Variants in APOBEC1 observed in about 807,000 individuals in gnomAD.
The protein encoded by APOBEC1 is apolipoprotein B mRNA editing enzyme catalytic subunit 1.
In APOBEC1, 22 loss-of-function variants were observed where a neutral mutation model predicts 26.3. The observed-to-expected ratio is 0.84, with a 90% CI of 0.60 to 1.19. The LOEUF is 1.19. Ranked by LOEUF, APOBEC1 falls within the 50% of genes most tolerant of loss-of-function variation. The pLI is 0.00. For missense variants in APOBEC1, 253 were observed against 289.0 expected (o/e 0.88, Z 0.90); for synonymous variants, 77 against 95.3 (o/e 0.81, Z 1.12).
Position 7,654,646 on chromosome 12 carries a change from T to A in APOBEC1, c.17-14A>T. 2 of 1,613,694 alleles carry A rather than the reference T, an allele frequency of 1.2e-6. No homozygotes were observed. Among genetic ancestry groups the A allele is most frequent in the Non-Finnish European group, 1.7e-6 (2 of 1,179,612 alleles). On this transcript the variant is annotated splice_polypyrimidine_tract_variant and intron_variant, in intron 1 of 4. Coordinates refer to ENST00000229304, the MANE Select transcript of APOBEC1 (RefSeq NM_001644.5). ...CGGTTGAAGGACCTGTTGACCAAGA[T>A]ATGATTATGTCAAACAACACTCAAA... is the stretch of plus-strand genomic sequence containing the variant.
chr12:7,658,425 C>G lies in APOBEC1; in HGVS notation c.17-3793G>C, dbSNP rs139124685. On this transcript the variant is annotated intron_variant, in intron 1 of 4. Coordinates refer to ENST00000229304, the MANE Select transcript of APOBEC1 (RefSeq NM_001644.5). ...AAATAGGTGTTGGAGTCCTTGGTTA[C>G]AGGTACATTATTTTTCAGACTCAGG... is the stretch of plus-strand genomic sequence containing the variant. Among the ~76,000 whole-genome samples the G allele has an allele frequency of 3.1e-3, 469 of 152,208 alleles. 5 individuals are homozygous for G. The highest frequency in any genetic ancestry group is 0.01 in the African/African-American group (418 of 41,540).
chr12:7,664,000 C>T (rs986987648), intron 1 of APOBEC1, among the ~76,000 whole-genome samples: 2 of 151,970 alleles, frequency 1.3e-5, no homozygotes, highest in Non-Finnish European at 2.9e-5. Context: ...GGATTACAGG[C>T]ATGTGCTACC....
At chr12:7,654,529 G>A in intron 2 of APOBEC1, 76 bp downstream of exon 2, 3 of 1,436,226 alleles carry the variant, frequency 2.1e-6, no homozygotes, top group Non-Finnish European at 2.9e-6. Context: ...AGGCGCATGT[G>A]CCACCATGCA....
intron 1 of APOBEC1, among the ~76,000 whole-genome samples, chr12:7,661,360 A>T (rs866916200): frequency 6.6e-5 from 10 of 152,236 alleles, no homozygotes; most frequent in African/African-American, 2.4e-4. Context: ...CCTCAGCATC[A>T]CACAATATAT....
At chr12:7,654,166 C>A (rs763846203) in intron 2 of APOBEC1, among the ~76,000 whole-genome samples, 1 of 150,772 alleles carries the variant, frequency 6.6e-6, no homozygotes, top group Non-Finnish European at 1.5e-5. Context: ...TAAAAGCATG[C>A]GATTTAAAAA....
At position 7,651,156 on chromosome 12, in the gene APOBEC1, A is replaced by C. The variant is rs1315036291; in HGVS notation, c.443-15T>G. On this transcript the variant is annotated splice_polypyrimidine_tract_variant and intron_variant, in intron 3 of 4. Coordinates refer to ENST00000229304, the MANE Select transcript of APOBEC1 (RefSeq NM_001644.5). The stretch of plus-strand genomic sequence containing the variant: ...GTGATAATACTCTAAGGAAACACAA[A>C]TCTTGGCTCATTCAACAAGCACAAT... The C allele has an allele frequency of 6.4e-7, 1 of 1,560,456 alleles. No individual in the cohort carries two copies. Among genetic ancestry groups the C allele is most frequent in the African/African-American group, 1.4e-5 (1 of 73,840 alleles).
intron 4 of APOBEC1, 41 bp from the exon 5 acceptor site, chr12:7,649,737 A>C (rs368114844): frequency 2.2e-6 from 3 of 1,342,038 alleles, no homozygotes; most frequent in Non-Finnish European, 2.1e-6. Flanking sequence ...TAGGATGAAT[A>C]TTTTAATTAA....
At chr12:7,660,375 G>GAAAGAAAAAGAAAGAAA (rs1555094887) in intron 1 of APOBEC1, among the ~76,000 whole-genome samples, 1 of 23,950 alleles carries the variant, frequency 4.2e-5, no homozygotes, top group African/African-American at 1.3e-4. Flanking sequence ...AAGGAAGGAA[G>GAAAGAAAAAGAAAGAAA]GAAAGAAAGA....
upstream of APOBEC1, among the ~76,000 whole-genome samples, chr12:7,669,041 C>T (rs556249480): frequency 6.6e-6 from 1 of 151,632 alleles, no homozygotes; most frequent in Non-Finnish European, 1.5e-5. Context: ...CAGCACCCCC[C>T]AATTCTGTGT....
intron 1 of APOBEC1, among the ~76,000 whole-genome samples, chr12:7,657,566 CA>C (rs1319783117): frequency 2.0e-4 from 18 of 91,806 alleles, no homozygotes; most frequent in Admixed American, 1.8e-3. Context: ...TCAATAACAA[CA>C]AAACAAAATT....
chr12:7,666,845 T>G (rs1863899288), upstream of APOBEC1, among the ~76,000 whole-genome samples: 1 of 151,556 alleles, frequency 6.6e-6, no homozygotes, highest in Non-Finnish European at 1.5e-5. Context: ...CTAATTTGTG[T>G]ACAGGTCTTT....
chr12:7,663,343 A>G (rs145420794), intron 1 of APOBEC1, among the ~76,000 whole-genome samples: 93 of 152,266 alleles, frequency 6.1e-4, no homozygotes, highest in Middle Eastern at 3.4e-3. Context: ...GAGAAGAACT[A>G]AAATGAGAAA....
At chr12:7,653,435 G>T (rs1055368303) in intron 2 of APOBEC1, among the ~76,000 whole-genome samples, 1 of 150,662 alleles carries the variant, frequency 6.6e-6, no homozygotes, top group Non-Finnish European at 1.5e-5. Flanking sequence ...CTTGAATTCA[G>T]GTGTAAGCGT....
intron 1 of APOBEC1, among the ~76,000 whole-genome samples, chr12:7,660,376 G>GAAGGAAGGAAAGAAAGAA (rs1290120140): frequency 0.074 from 4,401 of 59,156 alleles, 356 homozygotes; most frequent in Non-Finnish European, 0.12. Context: ...AGGAAGGAAG[G>GAAGGAAGGAAAGAAAGAA]AAAGAAAGAA....
chr12:7,657,279 C>G (rs1039831475), intron 1 of APOBEC1, among the ~76,000 whole-genome samples: 1 of 152,158 alleles, frequency 6.6e-6, no homozygotes, highest in African/African-American at 2.4e-5. Flanking sequence ...AGTTGCATAA[C>G]ATAGAACCTA....
chr12:7,651,268 C>T (rs1863634154), intron 3 of APOBEC1, 127 bp from the exon 4 acceptor site: 1 of 667,782 alleles, frequency 1.5e-6, no homozygotes, highest in Non-Finnish European at 2.6e-6. Flanking sequence ...ACATTAGACC[C>T]CCTAAAAAGA....
chr12:7,661,461 G>A (rs1863818489), intron 1 of APOBEC1, among the ~76,000 whole-genome samples: 1 of 152,010 alleles, frequency 6.6e-6, no homozygotes, highest in African/African-American at 2.4e-5. Context: ...AGTGTGGAGA[G>A]AAGCCAGGAT....
chr12:7,665,981 C>A, upstream of APOBEC1: 1 of 1,126,164 alleles, frequency 8.9e-7, no homozygotes, highest in Non-Finnish European at 1.4e-6. Flanking sequence ...CAGAGGATGA[C>A]TCATTCCCGC....
At chr12:7,651,482 T>C (rs370564802) in intron 3 of APOBEC1, among the ~76,000 whole-genome samples, 10 of 151,458 alleles carry the variant, frequency 6.6e-5, no homozygotes, top group South Asian at 4.2e-4. Context: ...GGCGTGGTGG[T>C]GGGCGCCTGT....
Sources: gnomAD v4.1 joint callset for allele counts (sites outside exome capture counted in the v4.1 genomes callset) on GRCh38, gnomAD v4.1.1 for gene constraint, MANE v1.5 for transcripts, NCBI Gene and HGNC (gene_info 2026-07-23, HGNC 2026-07-21) for gene names.